Variants in ZNF469 observed in about 807,000 individuals in gnomAD.
The protein encoded by ZNF469 is zinc finger protein 469.
In ZNF469, 1 loss-of-function variant was observed where a neutral mutation model predicts 1.0. The ratio of observed to expected loss-of-function variants is 1.00; its 90% CI spans 0.35 to 4.73. ZNF469 has a LOEUF of 4.73. ZNF469 is among the 30% of genes most tolerant of loss of function. ZNF469 has a pLI of 0.16. For synonymous variants in ZNF469, 2,703 were observed against 2,363.4 expected (o/e 1.14, Z -4.17); for missense variants, 6,100 against 5,356.3 (o/e 1.14, Z -4.33).
the ZNF469 span, among the ~76,000 whole-genome samples, chr16:88,153,080 C>T: frequency 9.9e-5 from 15 of 152,224 alleles, no homozygotes; most frequent in Admixed American, 9.8e-4. Flanking sequence ...ATATTTCTTT[C>T]TGAACTCCTG....
At chr16:88,131,165 G>A in the ZNF469 span, among the ~76,000 whole-genome samples, 6 of 152,216 alleles carry the variant, frequency 3.9e-5, no homozygotes, top group African/African-American at 1.4e-4. Flanking sequence ...ACAAACGTGC[G>A]GCAGAACCGG....
At chr16:88,331,256 C>A in the ZNF469 span, among the ~76,000 whole-genome samples, 83 of 152,002 alleles carry the variant, frequency 5.5e-4, no homozygotes, top group African/African-American at 2.0e-3. Context: ...TCGTCACCAT[C>A]ACCATCACCT....
At chr16:88,205,611 AAG>A in the ZNF469 span, among the ~76,000 whole-genome samples, 1 of 152,194 alleles carries the variant, frequency 6.6e-6, no homozygotes, top group African/African-American at 2.4e-5. The surrounding 1 kb of genome is among the most constrained non-coding windows in gnomAD (Gnocchi z 4.2). Context: ...CACACAAGCA[AAG>A]AGAGGGCCTG....
the ZNF469 span, among the ~76,000 whole-genome samples, chr16:88,297,608 T>C: frequency 4.6e-5 from 7 of 151,820 alleles, no homozygotes; most frequent in African/African-American, 1.7e-4. Flanking sequence ...GGGATGGGAG[T>C]GTGGCAGCTC....
At position 88,438,893 on chromosome 16, in the gene ZNF469, A is replaced by G; in HGVS notation, c.11423A>G (p.Lys3808Arg). 2 of 1,550,556 alleles carry G rather than the reference A, an allele frequency of 1.3e-6. No individual in the cohort carries two copies. Among genetic ancestry groups the G allele is most frequent in the Non-Finnish European group, 1.7e-6 (2 of 1,146,992 alleles). ...EQGPHGSLGP[K>R]EKGESSTKRK... ...GGGCCCCACGGGAGCCTAGGTCCCA[A>G]GGAGAAGGGAGAGAGCAGTACGAAG... is the stretch of plus-strand genomic sequence containing the variant. Residue 3808 changes from lysine (K) to arginine (R), a missense_variant, in exon 3 of 3, where the codon AAG (lysine) becomes AGG (arginine). Transcript: ENST00000565624.
the ZNF469 span, among the ~76,000 whole-genome samples, chr16:88,187,541 C>T: frequency 1.3e-5 from 2 of 152,160 alleles, no homozygotes; most frequent in Admixed American, 1.3e-4. Context: ...CAGCCGGGAC[C>T]CCAACAACTG....
the ZNF469 span, among the ~76,000 whole-genome samples, chr16:88,268,594 CA>C: frequency 6.6e-6 from 1 of 152,198 alleles, no homozygotes; most frequent in Non-Finnish European, 1.5e-5. Flanking sequence ...GAAGAACATG[CA>C]GGGGTCAAGT....
chr16:88,438,801 A>G lies in ZNF469; in HGVS notation c.11331A>G (p.Pro3777=). 2.6e-6 allele frequency: 4 copies of G among 1,550,298 alleles called. No homozygotes were observed. The highest frequency in any genetic ancestry group is 3.5e-6 in the Non-Finnish European group (4 of 1,146,944). ...KPSFPSRSPA[P]ERLPARAQAK... ...GCTTCCCCAGCCGGAGCCCTGCACC[A>G]GAGAGGCTCCCCGCTCGAGCCCAAG... The change falls in exon 3 of 3, where the codon CCA becomes CCG. Residue 3777 remains proline (P), a synonymous_variant. Transcript: ENST00000565624.
the ZNF469 span, among the ~76,000 whole-genome samples, chr16:88,193,057 A>ATGGTGGTGATGGTGGTGGTGGTGATGG: frequency 1.6e-5 from 1 of 62,904 alleles, no homozygotes; most frequent in African/African-American, 6.5e-5. Flanking sequence ...GATGATGGTG[A>ATGGTGGTGATGGTGGTGGTGGTGATGG]TGGTGGTGAT....
the ZNF469 span, among the ~76,000 whole-genome samples, chr16:88,313,429 A>G: frequency 2.0e-5 from 3 of 152,224 alleles, no homozygotes; most frequent in Non-Finnish European, 4.4e-5. Context: ...AAAATGTTCA[A>G]TCCTAGTGAA....
At chr16:88,229,783 A>G in the ZNF469 span, among the ~76,000 whole-genome samples, 2 of 152,038 alleles carry the variant, frequency 1.3e-5, no homozygotes, top group African/African-American at 4.8e-5. Context: ...TCCCACAACA[A>G]TGGTGCCTCT....
the ZNF469 span, among the ~76,000 whole-genome samples, chr16:88,309,512 C>G: frequency 1.5e-5 from 2 of 135,792 alleles, no homozygotes; most frequent in African/African-American, 5.7e-5. Flanking sequence ...GGGGAGTGCC[C>G]TCTGAGGTCC....
chr16:88,216,483 G>C, the ZNF469 span, among the ~76,000 whole-genome samples: 3 of 128,036 alleles, frequency 2.3e-5, no homozygotes, highest in Non-Finnish European at 5.0e-5. Flanking sequence ...AACAGAGTGA[G>C]ACTCCGTCTC....
the ZNF469 span, among the ~76,000 whole-genome samples, chr16:88,372,404 CCAT>C: frequency 6.9e-6 from 1 of 145,774 alleles, no homozygotes; most frequent in Admixed American, 6.8e-5. Context: ...ACTACCATCA[CCAT>C]CATCACCATC....
At chr16:88,158,527 C>A in the ZNF469 span, among the ~76,000 whole-genome samples, 1 of 149,224 alleles carries the variant, frequency 6.7e-6, no homozygotes, top group Non-Finnish European at 1.5e-5. Context: ...CACATGCCTG[C>A]CTCTGCGCAG....
the ZNF469 span, among the ~76,000 whole-genome samples, chr16:88,286,671 C>T: frequency 3.9e-5 from 6 of 152,264 alleles, no homozygotes; most frequent in East Asian, 5.8e-4. Context: ...CAGGGGCTGG[C>T]TGGGAAGAGG....
chr16:88,200,089 G>T, the ZNF469 span, among the ~76,000 whole-genome samples: 1 of 151,744 alleles, frequency 6.6e-6, no homozygotes. Context: ...GCCCCGGGGG[G>T]AGGATGACAG....
At position 88,437,124 on chromosome 16, in the gene ZNF469, G is replaced by A; in HGVS notation, c.9654G>A (p.Leu3218=). ...RRSLGDLPGG[L]EGSSAVAHLL... The stretch of plus-strand genomic sequence containing the variant: ...CCTTGGGGGACCTGCCCGGAGGCCT[G>A]GAGGGCAGCAGCGCTGTCGCCCACC... The change falls in exon 3 of 3, where the codon CTG becomes CTA. Residue 3218 remains leucine (L), a synonymous_variant. Coordinates refer to ENST00000565624, the MANE Select transcript of ZNF469 (RefSeq NM_001367624.2). 1 of 1,548,378 alleles carries A rather than the reference G, an allele frequency of 6.5e-7. No homozygotes were observed. Among genetic ancestry groups the A allele is most frequent in the Non-Finnish European group, 8.7e-7 (1 of 1,146,574 alleles).
the ZNF469 span, among the ~76,000 whole-genome samples, chr16:88,146,313 G>A: frequency 6.6e-6 from 1 of 152,214 alleles, no homozygotes; most frequent in Non-Finnish European, 1.5e-5. Flanking sequence ...ATCCTCAAGG[G>A]TGAGGTCAGG....
Sources: allele counts gnomAD v4.1 joint callset (sites outside exome capture counted in the v4.1 genomes callset), GRCh38; gene constraint gnomAD v4.1.1; non-coding constraint Gnocchi (gnomAD v3.1); transcripts MANE v1.5; gene names NCBI Gene and HGNC (gene_info 2026-07-23, HGNC 2026-07-21).